The following MACROD2 variants were observed in gnomAD, a reference collection of about 807,000 sequenced individuals.
MACROD2 encodes mono-ADP ribosylhydrolase 2.
A neutral mutation model predicts 70.4 loss-of-function variants in MACROD2; 36 were observed. The ratio of observed to expected loss-of-function variants is 0.51; its 90% CI spans 0.39 to 0.68. MACROD2 has a LOEUF of 0.68. Among genes scored for constraint, MACROD2 ranks in the 30% least tolerant of loss-of-function variants. The probability of loss-of-function intolerance (pLI) is 0.00; values close to 1 mark genes in which losing one functional copy is unlikely to be tolerated. For missense variants in MACROD2, 496 were observed against 538.4 expected (o/e 0.92, Z 0.78); for synonymous variants, 172 against 178.8 (o/e 0.96, Z 0.30).
At chr20:15,664,510 C>G (rs2049869649) in intron 8 of MACROD2, among the ~76,000 whole-genome samples, 1 of 152,164 alleles carries the variant, frequency 6.6e-6, no homozygotes, top group Admixed American at 6.5e-5. Context: ...GCTTAAAGCT[C>G]CAATCATTTA....
At chr20:16,018,249 T>C (rs1485105044) in intron 15 of MACROD2, among the ~76,000 whole-genome samples, 1 of 152,170 alleles carries the variant, frequency 6.6e-6, no homozygotes, top group Non-Finnish European at 1.5e-5. Flanking sequence ...AATGCAGCAG[T>C]GAGATCATCG....
At chr20:14,119,258 C>T (rs1048415294) in intron 3 of MACROD2, among the ~76,000 whole-genome samples, 1 of 148,326 alleles carries the variant, frequency 6.7e-6, no homozygotes, top group African/African-American at 2.5e-5. Context: ...ACCTCCGCCT[C>T]CTGGGTTCAA....
chr20:14,710,646 T>C (rs974348686), intron 5 of MACROD2, among the ~76,000 whole-genome samples: 1 of 152,194 alleles, frequency 6.6e-6, no homozygotes, highest in Admixed American at 6.5e-5. Context: ...GATTCAGAAA[T>C]GCAAGGTTTA....
chr20:14,118,978 T>TGGGA (rs762465694), intron 3 of MACROD2, among the ~76,000 whole-genome samples: 1 of 151,384 alleles, frequency 6.6e-6, no homozygotes, highest in African/African-American at 2.4e-5. Flanking sequence ...CCTGAGTAGC[T>TGGGA]GGGACTACAG....
chr20:14,186,735 T>C (rs1392954987), intron 3 of MACROD2, among the ~76,000 whole-genome samples: 1 of 152,178 alleles, frequency 6.6e-6, no homozygotes, highest in African/African-American at 2.4e-5. Flanking sequence ...GAAAATATGT[T>C]ACATATACAC....
At chr20:15,508,570 T>G (rs1036842687) in intron 8 of MACROD2, among the ~76,000 whole-genome samples, 2 of 152,232 alleles carry the variant, frequency 1.3e-5, no homozygotes, top group Non-Finnish European at 2.9e-5. Context: ...TTCCTAGATG[T>G]GACAGTTAAA....
chr20:15,763,040 C>G (rs2051461915), intron 8 of MACROD2, among the ~76,000 whole-genome samples: 1 of 152,122 alleles, frequency 6.6e-6, no homozygotes, highest in Non-Finnish European at 1.5e-5. Context: ...AAAGCTGTAA[C>G]CATTCTATTT....
chr20:14,695,707 C>G (rs1422935643), intron 5 of MACROD2, among the ~76,000 whole-genome samples: 1 of 152,132 alleles, frequency 6.6e-6, no homozygotes, highest in Admixed American at 6.5e-5. Context: ...TGAAGCCAGC[C>G]CACAGCCACA....
At chr20:14,632,806 T>C (rs1056084417) in intron 4 of MACROD2, among the ~76,000 whole-genome samples, 11 of 152,250 alleles carry the variant, frequency 7.2e-5, no homozygotes, top group Non-Finnish European at 1.0e-4. Context: ...TATTTTAATG[T>C]AAAATACAAG....
intron 3 of MACROD2, among the ~76,000 whole-genome samples, chr20:14,294,156 A>G (rs1322312560): frequency 1.3e-5 from 2 of 151,774 alleles, no homozygotes; most frequent in African/African-American, 4.9e-5. Context: ...TCATTTTGAC[A>G]GATGTAGCAG....
intron 5 of MACROD2, among the ~76,000 whole-genome samples, chr20:15,045,725 T>G (rs2075388538): frequency 1.4e-5 from 2 of 144,512 alleles, no homozygotes; most frequent in African/African-American, 5.1e-5. Context: ...CAGGGTTTTT[T>G]TTTTTTTTTT....
intron 4 of MACROD2, among the ~76,000 whole-genome samples, chr20:14,559,481 C>G (rs1979282303): frequency 6.6e-6 from 1 of 151,584 alleles, no homozygotes; most frequent in Non-Finnish European, 1.5e-5. Flanking sequence ...CTTTATAGCT[C>G]ATATATATTT....
At position 14,274,225 on chromosome 20, in the gene MACROD2, A is replaced by C. The variant is rs537304063; in HGVS notation, c.271+188497A>C. The stretch of plus-strand genomic sequence containing the variant: ...AATTTTAGACCAATATCCTTGATGA[A>C]CATTGATGCAAAAATCCTCAATAAA... On this transcript the variant is annotated intron_variant, in intron 3 of 17. Transcript: ENST00000684519. Among the ~76,000 whole-genome samples, 9 of 152,340 alleles carry C rather than the reference A, an allele frequency of 5.9e-5. No individual in the cohort carries two copies. In the East Asian group the frequency reaches 9.6e-4, roughly 16 times the overall value.
intron 5 of MACROD2, among the ~76,000 whole-genome samples, chr20:14,895,747 C>G (rs923818076): frequency 6.6e-6 from 1 of 151,966 alleles, no homozygotes; most frequent in Non-Finnish European, 1.5e-5. Context: ...ATATTATCAT[C>G]CATTAAATGT....
At chr20:15,119,611 G>T (rs1397643063) in intron 5 of MACROD2, among the ~76,000 whole-genome samples, 3 of 152,218 alleles carry the variant, frequency 2.0e-5, no homozygotes, top group Non-Finnish European at 4.4e-5. Context: ...AGTCAGTCAT[G>T]TCCCATGGGG....
chr20:14,790,277 C>CTTTTTTTTTT (rs2072434284), intron 5 of MACROD2, among the ~76,000 whole-genome samples: 5 of 148,914 alleles, frequency 3.4e-5, no homozygotes, highest in African/African-American at 1.2e-4. Context: ...AAAAAAAAAA[C>CTTTTTTTTTT]AAATATTTTA....
chr20:15,654,296 G>T lies in MACROD2; in HGVS notation c.645+154449G>T, dbSNP rs149217633. Among the ~76,000 whole-genome samples the T allele has an allele frequency of 1.0e-3, 159 of 152,238 alleles. 2 individuals carry two copies. The highest frequency in any genetic ancestry group is 4.0e-4 in the Non-Finnish European group (27 of 68,016). On this transcript the variant is annotated intron_variant, in intron 8 of 17. Transcript: ENST00000684519. The stretch of plus-strand genomic sequence containing the variant: ...TACTGAGCTCCACCTTTACCATAGT[G>T]ACCTCCTGGTAAGTGGGTGCCAGGA...
At chr20:15,157,929 T>C (rs1393266283) in intron 5 of MACROD2, among the ~76,000 whole-genome samples, 2 of 152,198 alleles carry the variant, frequency 1.3e-5, no homozygotes, top group African/African-American at 2.4e-5. Context: ...CCCATTGCTG[T>C]GAACCTCAGG....
chr20:14,829,790 T>C (rs2072943604), intron 5 of MACROD2, among the ~76,000 whole-genome samples: 1 of 152,172 alleles, frequency 6.6e-6, no homozygotes, highest in Non-Finnish European at 1.5e-5. Flanking sequence ...TTTCATTGAA[T>C]CAATTATTTT....
Sources: gnomAD v4.1 joint callset for allele counts (sites outside exome capture counted in the v4.1 genomes callset) on GRCh38, gnomAD v4.1.1 for gene constraint, MANE v1.5 for transcripts, NCBI Gene and HGNC (gene_info 2026-07-23, HGNC 2026-07-21) for gene names.